The following TACC1 variants were observed in gnomAD, a reference collection of about 807,000 sequenced individuals.
The protein encoded by TACC1 is transforming acidic coiled-coil containing protein 1, also known as transforming acidic coiled-coil-containing protein 1.
TACC1 carries 48 observed loss-of-function variants against 84.4 expected under a neutral mutation model. The ratio of observed to expected loss-of-function variants is 0.57; its 90% CI spans 0.45 to 0.72. The LOEUF is 0.72. Among genes scored for constraint, TACC1 ranks in the 30% least tolerant of loss-of-function variants. The pLI is 0.00. For missense variants in TACC1, 920 were observed against 973.0 expected (o/e 0.95, Z 0.72); for synonymous variants, 372 against 376.3 (o/e 0.99, Z 0.13).
At chr8:38,825,235 C>A in intron 3 of TACC1, 73 bp from the exon 4 acceptor site, 1 of 1,502,264 alleles carries the variant, frequency 6.7e-7, no homozygotes, top group Non-Finnish European at 9.3e-7. Flanking sequence ...ACACTGCTGT[C>A]TGCTCCATTT....
At chr8:38,777,255 CAAA>C (rs767145067) in intron 3 of TACC1, among the ~76,000 whole-genome samples, 4 of 88,242 alleles carry the variant, frequency 4.5e-5, no homozygotes, top group African/African-American at 4.0e-5. Flanking sequence ...GACTCCATCT[CAAA>C]AAAAAAAAAA....
intron 2 of TACC1, chr8:38,799,739 C>T (rs931352425): frequency 6.6e-6 from 1 of 152,126 alleles, no homozygotes; most frequent in African/African-American, 2.4e-5. Context: ...TCACCTCTTT[C>T]TGTAAATAGA....
At chr8:38,756,113 C>T (rs900064221) in intron 3 of TACC1, among the ~76,000 whole-genome samples, 29 of 151,836 alleles carry the variant, frequency 1.9e-4, no homozygotes, top group Admixed American at 1.7e-3. Flanking sequence ...CGCGCCCGGC[C>T]GGGAAGAGAG....
At chr8:38,815,810 T>G (rs1825307004) in intron 2 of TACC1, among the ~76,000 whole-genome samples, 1 of 152,012 alleles carries the variant, frequency 6.6e-6, no homozygotes, top group Non-Finnish European at 1.5e-5. Context: ...GATTGAAACA[T>G]GCAAAATAAC....
intron 2 of TACC1, among the ~76,000 whole-genome samples, chr8:38,806,590 A>G (rs886535562): frequency 1.2e-4 from 19 of 152,110 alleles, no homozygotes; most frequent in African/African-American, 4.6e-4. Context: ...CCTGTGATGA[A>G]ATGGAAGCAG....
intron 3 of TACC1, among the ~76,000 whole-genome samples, chr8:38,759,479 G>A (rs1051786166): frequency 6.6e-6 from 1 of 152,220 alleles, no homozygotes; most frequent in African/African-American, 2.4e-5. Context: ...TTGTTAGGGT[G>A]TTAAATTATC....
At chr8:38,734,048 G>A (rs1351528756) in intron 1 of TACC1, among the ~76,000 whole-genome samples, 1 of 152,182 alleles carries the variant, frequency 6.6e-6, no homozygotes, top group East Asian at 1.9e-4. Flanking sequence ...GGGAACTGGG[G>A]AAAGGAAGGG....
intron 1 of TACC1, among the ~76,000 whole-genome samples, chr8:38,730,255 C>T (rs1804657314): frequency 6.6e-6 from 1 of 152,220 alleles, no homozygotes; most frequent in Non-Finnish European, 1.5e-5. Flanking sequence ...GGTGGGAGTG[C>T]CAACAAGGCT....
At chr8:38,803,933 C>G (rs1405128203) in intron 2 of TACC1, among the ~76,000 whole-genome samples, 1 of 152,134 alleles carries the variant, frequency 6.6e-6, no homozygotes, top group Non-Finnish European at 1.5e-5. Flanking sequence ...TTAATCTCTG[C>G]CTGTTTTAGA....
At chr8:38,823,843 C>G (rs959136804) in intron 3 of TACC1, 2 of 480,354 alleles carry the variant, frequency 4.2e-6, no homozygotes, top group African/African-American at 2.0e-5. Context: ...TTCATGAATA[C>G]GACATTTTTA....
chr8:38,751,648 T>A (rs578229889), intron 3 of TACC1, among the ~76,000 whole-genome samples: 1 of 152,312 alleles, frequency 6.6e-6, no homozygotes, highest in African/African-American at 2.4e-5. Flanking sequence ...ATTTTTTAAA[T>A]CAAGGAATGT....
chr8:38,843,376 G>A lies in TACC1; in HGVS notation c.2209G>A (p.Ala737Thr), dbSNP rs761483128. Residue 737 changes from alanine to threonine, a missense_variant, in exon 11 of 13, where the codon GCA becomes ACA. This residue lies in a region of TACC1 where 158 missense variants were observed against 225.6 expected (regional missense o/e 0.70). Coordinates refer to ENST00000317827, the MANE Select transcript of TACC1 (RefSeq NM_006283.3). ...EQRYQALKIH[A>T]EEKLDKANEE... ...GCGATACCAGGCCCTGAAAATCCAC[G>A]CAGAAGAGAAACTGGACAAGTAAGA... The A allele has an allele frequency of 1.6e-5, 26 of 1,607,128 alleles. No homozygotes were observed. Among genetic ancestry groups the A allele is most frequent in the East Asian group, 4.5e-5 (2 of 44,548 alleles).
At position 38,772,031 on chromosome 8, in the gene TACC1, G is replaced by T. The variant is rs1414537499; in HGVS notation, c.27-16673G>T. Among the ~76,000 whole-genome samples, 4 of 149,020 alleles carry T rather than the reference G, an allele frequency of 2.7e-5. No individual in the cohort carries two copies. In the East Asian group the frequency reaches 5.8e-4, roughly 22 times the overall value. ...CATATATGAAAGAAAGAAAAAGAGAGAGAGAGAGAGAGAGAGAGAGAGGAA... is the reference window on the plus strand; with the variant it reads ...CATATATGAAAGAAAGAAAAAGAGATAGAGAGAGAGAGAGAGAGAGAGGAA... On this transcript the variant is annotated intron_variant, in intron 3 of 14. Coordinates refer to the TACC1 transcript ENST00000518415.
chr8:38,814,343 C>A (rs1824920051), intron 2 of TACC1, among the ~76,000 whole-genome samples: 1 of 152,134 alleles, frequency 6.6e-6, no homozygotes, highest in South Asian at 2.1e-4. Context: ...CAGTCATTCA[C>A]CATATAATGA....
intron 3 of TACC1, among the ~76,000 whole-genome samples, chr8:38,755,402 A>G (rs1300281026): frequency 1.3e-5 from 2 of 152,098 alleles, no homozygotes; most frequent in African/African-American, 4.8e-5. Flanking sequence ...GCTAGAATAC[A>G]GAGAAAAGGA....
chr8:38,827,067 T>G (rs567891942), intron 4 of TACC1, 101 bp from the exon 5 acceptor site: 4 of 988,800 alleles, frequency 4.0e-6, no homozygotes, highest in Non-Finnish European at 6.1e-6. Flanking sequence ...CTCTCACATA[T>G]CTGTATGGAG....
chr8:38,806,462 A>G (rs62506668), intron 2 of TACC1, among the ~76,000 whole-genome samples: 29,165 of 150,242 alleles, frequency 0.19, 3,363 homozygotes, highest in Non-Finnish European at 0.27. Flanking sequence ...GTGTGTGTGT[A>G]TGTGTGTGTG....
At chr8:38,808,961 T>C (rs1343026971) in intron 2 of TACC1, among the ~76,000 whole-genome samples, 2 of 151,930 alleles carry the variant, frequency 1.3e-5, no homozygotes, top group East Asian at 1.9e-4. Context: ...GACTGAGATA[T>C]GGGGTCTGCA....
intron 3 of TACC1, among the ~76,000 whole-genome samples, chr8:38,770,422 C>T (rs1490665835): frequency 6.6e-6 from 1 of 152,098 alleles, no homozygotes; most frequent in African/African-American, 2.4e-5. Flanking sequence ...CCGCCGCGCT[C>T]TCCCCCTTCG....
Sources: allele counts gnomAD v4.1 joint callset (sites outside exome capture counted in the v4.1 genomes callset), GRCh38; gene constraint gnomAD v4.1.1; regional missense constraint gnomAD v4.1.1; transcripts MANE v1.5; gene names NCBI Gene and HGNC (gene_info 2026-07-23, HGNC 2026-07-21).